The following CDH23 variants were observed in gnomAD, a reference collection of about 807,000 sequenced individuals.
CDH23 encodes cadherin related 23.
A neutral mutation model predicts 317.1 loss-of-function variants in CDH23; 189 were observed. The observed-to-expected ratio is 0.60, with a 90% CI of 0.53 to 0.67. The LOEUF is 0.67. Ranked by LOEUF, CDH23 falls within the 30% of genes least tolerant of loss-of-function variation. The probability of loss-of-function intolerance (pLI) is 0.00; values close to 1 mark genes in which losing one functional copy is unlikely to be tolerated. For missense variants in CDH23, 4,401 were observed against 4,592.4 expected, an observed-to-expected ratio of 0.96 and a Z score of 1.20; for synonymous variants, 1,839 against 1,876.8, an observed-to-expected ratio of 0.98 and a Z score of 0.52.
intron 38 of CDH23, among the ~76,000 whole-genome samples, chr10:71,746,773 G>T (rs2132854960): frequency 6.6e-6 from 1 of 152,312 alleles, no homozygotes; most frequent in East Asian, 1.9e-4. Flanking sequence ...TTCCAGATAA[G>T]AAGCCCTGGC....
chr10:71,768,880 A>G (rs1174387430), intron 38 of CDH23, among the ~76,000 whole-genome samples: 1 of 152,256 alleles, frequency 6.6e-6, no homozygotes, highest in African/African-American at 2.4e-5. Flanking sequence ...AAACGGAAGC[A>G]CAGAGAGATT....
intron 52 of CDH23, among the ~76,000 whole-genome samples, chr10:71,800,406 C>A (rs558889134): frequency 1.1e-4 from 17 of 152,218 alleles, no homozygotes; most frequent in African/African-American, 3.9e-4. Flanking sequence ...TATGCTAGTT[C>A]CTGGTCAGGC....
chr10:71,532,979 G>T (rs538830202), intron 6 of CDH23, among the ~76,000 whole-genome samples: 1 of 152,110 alleles, frequency 6.6e-6, no homozygotes, highest in Admixed American at 6.6e-5. Context: ...TGATCCACTC[G>T]CCTTGCCCTC....
At chr10:71,657,339 C>T (rs1863461218) in intron 14 of CDH23, among the ~76,000 whole-genome samples, 1 of 152,214 alleles carries the variant, frequency 6.6e-6, no homozygotes, top group African/African-American at 2.4e-5. Context: ...AATGTATGGC[C>T]AGGTCATAGG....
chr10:71,709,142 G>T lies in CDH23; in HGVS notation c.3151G>T (p.Val1051Phe). ...GKFSVGYRDAVVRTVVGLDRE... is the reference protein window; with the variant it reads ...GKFSVGYRDAFVRTVVGLDRE... ...GTTCAGCGTGGGTTACCGCGATGCC[G>T]TTGTGAGAACCGTGGTGGGCCTGGA... Residue 1051 changes from valine (V) to phenylalanine (F), a missense_variant, in exon 27 of 70, where the codon GTT (valine) becomes TTT (phenylalanine). Physicochemically the swap from Val to Phe is conservative, Grantham distance 50. Transcript: ENST00000224721. The T allele has an allele frequency of 6.2e-7, 1 of 1,613,970 alleles. No homozygotes were observed. The highest frequency in any genetic ancestry group is 8.5e-7 in the Non-Finnish European group (1 of 1,179,904).
At chr10:71,412,689 G>C (rs1282289282) in intron 1 of CDH23, among the ~76,000 whole-genome samples, 1 of 152,102 alleles carries the variant, frequency 6.6e-6, no homozygotes, top group Non-Finnish European at 1.5e-5. Flanking sequence ...TTTGTTTTTT[G>C]ATAATAGTCA....
chr10:71,813,168 C>A, intron 68 of CDH23, 76 bp from the exon 69 acceptor site: 2 of 1,375,086 alleles, frequency 1.5e-6, no homozygotes, highest in Non-Finnish European at 2.0e-6. Context: ...GTACCCCTTA[C>A]TCCCAGAGGG....
At chr10:71,730,022 G>A (rs947280778) in intron 30 of CDH23, among the ~76,000 whole-genome samples, 1 of 151,922 alleles carries the variant, frequency 6.6e-6, no homozygotes, top group Non-Finnish European at 1.5e-5. Context: ...TTTTAGTAGA[G>A]ATGGGGTTTC....
chr10:71,577,922 G>A lies in CDH23; in HGVS notation c.762G>A (p.Thr254=), dbSNP rs576111403. The A allele has an allele frequency of 3.3e-5, 53 of 1,598,524 alleles. No homozygotes were observed. The highest frequency in any genetic ancestry group is 6.9e-5 in the Admixed American group (4 of 58,160). ...TCCTCTCTTCTGCCCAGGGCACGAC[G>A]GTGCGCATCATCACCGCCATAGACC... ...NIYEHSPPGT[T]VRIITAIDQD... is the part of the protein sequence containing the mutation. The change falls in exon 9 of 70, where the codon ACG becomes ACA. Residue 254 remains threonine (T), a synonymous_variant. Coordinates refer to ENST00000224721, the MANE Select transcript of CDH23 (RefSeq NM_022124.6).
intron 9 of CDH23, among the ~76,000 whole-genome samples, chr10:71,587,817 CG>C (rs2132434482): frequency 6.6e-6 from 1 of 152,210 alleles, no homozygotes; most frequent in East Asian, 1.9e-4. Context: ...AGCCCCCAGC[CG>C]GGGCTAATCT....
intron 1 of CDH23, 91 bp from the exon 2 acceptor site, chr10:71,439,730 AGTTCTC>A: frequency 2.4e-6 from 2 of 835,934 alleles, no homozygotes; most frequent in South Asian, 1.6e-5. Context: ...TCCCAGCCCC[AGTTCTC>A]TCTGGAGCTG....
chr10:71,712,860 G>A (rs569390669), intron 28 of CDH23, 47 bp downstream of exon 28: 29 of 1,591,520 alleles, frequency 1.8e-5, no homozygotes, highest in East Asian at 6.8e-5. Flanking sequence ...TGGGGGAGGC[G>A]GAGCCACACA....
intron 3 of CDH23, among the ~76,000 whole-genome samples, chr10:71,492,189 C>T (rs1234202024): frequency 6.6e-6 from 1 of 152,150 alleles, no homozygotes; most frequent in Non-Finnish European, 1.5e-5. Flanking sequence ...CTCTGGGCAG[C>T]CCCTTGGCTA....
At chr10:71,784,779 C>G (rs1006106977) in intron 42 of CDH23, 112 bp from the exon 43 acceptor site, 28 of 787,368 alleles carry the variant, frequency 3.6e-5, no homozygotes, top group Non-Finnish European at 6.2e-5. Flanking sequence ...TCTCCATGAC[C>G]AACTGCACCC....
At chr10:71,686,287 G>A (rs1227090) in intron 18 of CDH23, among the ~76,000 whole-genome samples, 81,953 of 151,498 alleles carry the variant, frequency 0.54, 22,555 homozygotes, top group South Asian at 0.67. Flanking sequence ...TATATGGGGC[G>A]CTCGCACCCG....
chr10:71,702,179 T>A lies in CDH23; in HGVS notation c.2555T>A (p.Leu852Gln). The change falls in exon 23 of 70, where the codon CTG becomes CAG. Residue 852 changes from leucine (L) to glutamine (Q), a missense_variant. Around this residue, in one of 3 missense-constraint regions of CDH23, gnomAD observed 3,068 missense variants for 3,203.3 expected, o/e 0.96. Transcript: ENST00000224721. Reference sequence around the variant, plus strand: ...AACCCCGACCCCCATGAGGCCGAGCTGATGCGCAAAATCGTCGTCTCTGTT... The same window carrying A: ...AACCCCGACCCCCATGAGGCCGAGCAGATGCGCAAAATCGTCGTCTCTGTT... ...RENPDPHEAELMRKIVVSVTD... is the reference protein window; with the variant it reads ...RENPDPHEAEQMRKIVVSVTD... 2 of 1,613,826 alleles carry A rather than the reference T, an allele frequency of 1.2e-6. No homozygotes were observed. The highest frequency in any genetic ancestry group is 1.3e-5 in the African/African-American group (1 of 75,042).
At chr10:71,680,610 TG>T (rs1864581531) in intron 17 of CDH23, among the ~76,000 whole-genome samples, 1 of 151,742 alleles carries the variant, frequency 6.6e-6, no homozygotes, top group Non-Finnish European at 1.5e-5. Context: ...TGGCCAGGCG[TG>T]GTGGTGTGCA....
chr10:71,739,881 T>G, intron 36 of CDH23, 109 bp downstream of exon 36: 2 of 1,260,424 alleles, frequency 1.6e-6, no homozygotes, highest in Admixed American at 5.4e-5. Context: ...TGGTGGTCAG[T>G]GCCCCTGCTG....
At chr10:71,462,525 G>T (rs979864795) in intron 3 of CDH23, among the ~76,000 whole-genome samples, 1 of 152,228 alleles carries the variant, frequency 6.6e-6, no homozygotes, top group African/African-American at 2.4e-5. Flanking sequence ...ACAGTGTGAC[G>T]TGAGAGGCCA....
Sources: gnomAD v4.1 joint callset for allele counts (sites outside exome capture counted in the v4.1 genomes callset) on GRCh38, gnomAD v4.1.1 for gene constraint, gnomAD v4.1.1 regional missense constraint, MANE v1.5 for transcripts, NCBI Gene and HGNC (gene_info 2026-07-23, HGNC 2026-07-21) for gene names.